CYFIP1: variants seen among roughly 807,000 people sequenced by gnomAD.
The protein encoded by CYFIP1 is cytoplasmic FMR1-interacting protein 1.
Under a neutral mutation model 163.5 loss-of-function variants are expected in CYFIP1, and 58 were observed. The observed-to-expected ratio is 0.35, with a 90% CI of 0.29 to 0.44. The LOEUF (loss-of-function observed/expected upper bound fraction) is 0.44. Among genes scored for constraint, CYFIP1 ranks in the 20% least tolerant of loss-of-function variants. The pLI is 1.00. For synonymous variants in CYFIP1, 663 were observed against 660.7 expected (o/e 1.00, Z -0.05); for missense variants, 1,338 against 1,653.8 (o/e 0.81, Z 3.31).
intron 22 of CYFIP1, among the ~76,000 whole-genome samples, chr15:22,895,513 T>C (rs965974259): frequency 2.0e-5 from 3 of 152,208 alleles, no homozygotes; most frequent in Admixed American, 6.5e-5. Context: ...TAGATACTGA[T>C]TGACTCCTGG....
At chr15:22,909,417 G>T in intron 20 of CYFIP1, 104 bp from the exon 21 acceptor site, 1 of 1,462,210 alleles carries the variant, frequency 6.8e-7, no homozygotes, top group Non-Finnish European at 9.4e-7. Context: ...TGTCAATAAC[G>T]ACACCCTTTA....
intron 22 of CYFIP1, among the ~76,000 whole-genome samples, chr15:22,898,802 G>A (rs1376514883): frequency 1.3e-5 from 2 of 152,030 alleles, no homozygotes; most frequent in African/African-American, 4.8e-5. Flanking sequence ...AGGAGATCAA[G>A]ACCATCCTGG....
Position 22,917,217 on chromosome 15 carries a change from A to G in CYFIP1, c.1674+571T>C, listed in dbSNP as rs536527142. 2.8e-6 allele frequency: 4 copies of G among 1,417,234 alleles called. No individual in the cohort carries two copies. Among genetic ancestry groups the G allele is most frequent in the Non-Finnish European group, 3.7e-6 (4 of 1,093,090 alleles). The allele number at this position is 1,417,234 out of a possible 1,614,324, so 87.8% of individuals were successfully genotyped here. A position where few individuals can be genotyped will look rare whatever the true frequency, so the allele number is the denominator to read the frequency against. ...CAGCGTGCATTGCTGGTGACTTTCC[A>G]GAAGAGTGGCAGAAGAGATTAAAAG... On this transcript the variant is annotated intron_variant, in intron 15 of 30. Coordinates refer to ENST00000617928, the MANE Select transcript of CYFIP1 (RefSeq NM_014608.6). This position sits in a 1 kb window ranked among gnomAD's most constrained non-coding sequence, Gnocchi z 4.2.
intron 13 of CYFIP1, among the ~76,000 whole-genome samples, chr15:22,923,777 TACA>T (rs1251144241): frequency 6.6e-5 from 10 of 151,704 alleles, no homozygotes; most frequent in Non-Finnish European, 1.3e-4. Flanking sequence ...ACCCCATCTC[TACA>T]AAAAATTTAA....
Position 22,940,552 on chromosome 15 carries a change from G to C in CYFIP1, c.570-1045C>G, listed in dbSNP as rs148108993. On this transcript the variant is annotated intron_variant, in intron 6 of 30. Transcript: ENST00000617928. The stretch of plus-strand genomic sequence containing the variant: ...GGACCAGGAGGCAACACCTGAAGCG[G>C]AGCCGCAGGACCACAGGAGCCCTGG... Among the ~76,000 whole-genome samples the C allele has an allele frequency of 4.1e-3, 625 of 152,310 alleles. 4 individuals carry two copies. The highest frequency in any genetic ancestry group is 0.014 in the African/African-American group (601 of 41,562).
intron 1 of CYFIP1, among the ~76,000 whole-genome samples, chr15:22,960,974 C>A (rs951354731): frequency 2.0e-5 from 3 of 152,030 alleles, no homozygotes; most frequent in Admixed American, 6.6e-5. Flanking sequence ...ATAATTTAAT[C>A]TGAATGTTCT....
In CYFIP1 at chr15:22,910,673, G is replaced by C. The variant is rs966517400; in HGVS notation, c.2160-45C>G. ...GAAAGTTTTTCATACGCCATAAATT[G>C]TAATGGGAATGTCAGATCAAATTAT... is the stretch of plus-strand genomic sequence containing the variant. On this transcript the variant is annotated intron_variant, in intron 19 of 30. Coordinates refer to ENST00000617928, the MANE Select transcript of CYFIP1 (RefSeq NM_014608.6). The C allele has an allele frequency of 2.5e-6, 4 of 1,604,898 alleles. No individual in the cohort carries two copies. The African/African-American group carries it at 5.3e-5, about 21-fold the overall frequency.
intron 1 of CYFIP1, among the ~76,000 whole-genome samples, chr15:22,968,993 G>A (rs1396600056): frequency 1.3e-5 from 2 of 152,118 alleles, no homozygotes; most frequent in Non-Finnish European, 2.9e-5. Flanking sequence ...TATCTTCAAG[G>A]ACAAATCAAC....
At chr15:22,966,373 CAAA>C (rs35976278) in intron 1 of CYFIP1, among the ~76,000 whole-genome samples, 1 of 96,882 alleles carries the variant, frequency 1.0e-5, no homozygotes, top group South Asian at 3.5e-4. Context: ...AACTCCGTCT[CAAA>C]AAAAAAAAAA....
At position 22,892,872 on chromosome 15, in the gene CYFIP1, G is replaced by A. The variant is rs1368371324; in HGVS notation, c.2676+18C>T. ...ATTATGAGCTTCAAGCTCGTAACAC[G>A]AACACATTGGAGCCTACCTTGGATC... On this transcript the variant is annotated intron_variant, in intron 23 of 30. Coordinates refer to ENST00000617928, the MANE Select transcript of CYFIP1 (RefSeq NM_014608.6). 35 of 1,586,604 alleles carry A rather than the reference G, an allele frequency of 2.2e-5. No homozygotes were observed. Among genetic ancestry groups the A allele is most frequent in the African/African-American group, 4.0e-5 (3 of 74,236 alleles).
chr15:22,884,426 G>C (rs2059873856), intron 23 of CYFIP1, among the ~76,000 whole-genome samples: 1 of 152,180 alleles, frequency 6.6e-6, no homozygotes, highest in Non-Finnish European at 1.5e-5. Context: ...AGTCCAGTGG[G>C]GCAGTCATTA....
chr15:22,892,613 AGACCAGGCCCAGCCT>A (rs1365248974), intron 23 of CYFIP1, among the ~76,000 whole-genome samples: 2 of 152,346 alleles, frequency 1.3e-5, no homozygotes, highest in Middle Eastern at 3.4e-3. Context: ...GCTGGGAAAG[AGACCAGGCCCAGCCT>A]GACACCTATC....
At chr15:22,930,696 G>A (rs1383884274) in intron 11 of CYFIP1, among the ~76,000 whole-genome samples, 2 of 152,084 alleles carry the variant, frequency 1.3e-5, no homozygotes, top group Admixed American at 6.5e-5. Context: ...TACAGAATAA[G>A]GAGATAAAGA....
intron 22 of CYFIP1, among the ~76,000 whole-genome samples, chr15:22,897,478 G>T (rs1352101273): frequency 2.3e-4 from 33 of 144,112 alleles, no homozygotes; most frequent in Non-Finnish European, 3.2e-4. Flanking sequence ...CAACAGGGTT[G>T]TTTTTTTTTT....
intron 3 of CYFIP1, among the ~76,000 whole-genome samples, chr15:22,945,321 C>T (rs956544915): frequency 6.6e-6 from 1 of 152,210 alleles, no homozygotes; most frequent in African/African-American, 2.4e-5. Context: ...ATCCCCATGG[C>T]CTCCTCACTG....
Position 22,918,877 on chromosome 15 carries a change from C to A in CYFIP1, c.1360-19G>T, listed in dbSNP as rs1383958314. 6.4e-7 allele frequency: 1 copy of A among 1,569,452 alleles called. No individual in the cohort carries two copies. Among genetic ancestry groups the A allele is most frequent in the Admixed American group, 1.8e-5 (1 of 54,332 alleles). Reference sequence around the variant, plus strand: ...CGATCACCTGCGGGGGACACAGCAACAGGGACGGCCCTTCTTAGGGATGGC... The same window carrying A: ...CGATCACCTGCGGGGGACACAGCAAAAGGGACGGCCCTTCTTAGGGATGGC... On this transcript the variant is annotated intron_variant, in intron 13 of 30. Transcript: ENST00000617928.
At chr15:22,978,352 C>CCAA (rs2063350282) in intron 1 of CYFIP1, among the ~76,000 whole-genome samples, 1 of 52,764 alleles carries the variant, frequency 1.9e-5, no homozygotes, top group Non-Finnish European at 3.4e-5. Context: ...GACTCTGTCA[C>CCAA]AAAAAAAAAA....
intron 23 of CYFIP1, among the ~76,000 whole-genome samples, chr15:22,890,406 C>T (rs528546402): frequency 6.6e-6 from 1 of 152,238 alleles, no homozygotes; most frequent in African/African-American, 2.4e-5. Context: ...CTTAACCACT[C>T]ACAGGGCTTC....
In CYFIP1 at chr15:22,867,959, TTGAC is replaced by T. The variant is rs1307794681; in HGVS notation, c.*2065_*2068del. ...CTTTGAACCTATCCACTCATAACCATTGACTGGCCTTTAAAAAAAAGTATTGGCA... is the reference window on the plus strand; with the variant it reads ...CTTTGAACCTATCCACTCATAACCATTGGCCTTTAAAAAAAAGTATTGGCA... On this transcript the variant is annotated 3_prime_UTR_variant, in exon 31 of 31. Transcript: ENST00000617928. 3 of 152,368 alleles carry T rather than the reference TTGAC, an allele frequency of 2.0e-5. No homozygotes were observed. The highest frequency in any genetic ancestry group is 2.1e-4 in the South Asian group (1 of 4,818). The allele number at this position is 152,368 out of a possible 1,614,324, so 9.4% of individuals were successfully genotyped here.
Sources: allele counts gnomAD v4.1 joint callset (sites outside exome capture counted in the v4.1 genomes callset), GRCh38; gene constraint gnomAD v4.1.1; non-coding constraint Gnocchi (gnomAD v3.1); transcripts MANE v1.5; gene names NCBI Gene and HGNC (gene_info 2026-07-23, HGNC 2026-07-21).